HESX1: variants seen among roughly 807,000 people sequenced by gnomAD.
HESX1 encodes HESX homeobox 1.
A neutral mutation model predicts 22.5 loss-of-function variants in HESX1; 11 were observed. The observed-to-expected ratio is 0.49, with a 90% CI of 0.31 to 0.81. HESX1 has a LOEUF of 0.81. Ranked by LOEUF, HESX1 falls within the 30% of genes least tolerant of loss-of-function variation. The probability of loss-of-function intolerance (pLI) is 0.05; values close to 1 mark genes in which losing one functional copy is unlikely to be tolerated. For synonymous variants in HESX1, 74 were observed against 76.5 expected (o/e 0.97, Z 0.17); for missense variants, 201 against 212.6 (o/e 0.95, Z 0.34).
chr3:57,199,373 C>G (rs1162832845), intron 1 of HESX1, among the ~76,000 whole-genome samples: 4 of 152,094 alleles, frequency 2.6e-5, no homozygotes, highest in African/African-American at 7.2e-5. Context: ...AATCCTAACA[C>G]TTTGGGAGGC....
intron 1 of HESX1, among the ~76,000 whole-genome samples, chr3:57,212,227 G>A (rs915581719): frequency 2.0e-5 from 3 of 151,884 alleles, no homozygotes; most frequent in Admixed American, 6.6e-5. Context: ...AATTTGATAT[G>A]AAGTCAACCA....
chr3:57,202,520 G>C (rs1372085742), upstream of HESX1, among the ~76,000 whole-genome samples: 1 of 152,056 alleles, frequency 6.6e-6, no homozygotes, highest in East Asian at 1.9e-4. Flanking sequence ...ATTTTTAGTA[G>C]AGATGGGGGT....
intron 1 of HESX1, among the ~76,000 whole-genome samples, chr3:57,215,639 C>T (rs928638354): frequency 2.6e-5 from 4 of 151,944 alleles, no homozygotes; most frequent in Non-Finnish European, 4.4e-5. Flanking sequence ...TGGTGGCGGG[C>T]GCCTATAATC....
intron 1 of HESX1, among the ~76,000 whole-genome samples, chr3:57,212,204 C>T (rs903817713): frequency 6.6e-6 from 1 of 151,756 alleles, no homozygotes; most frequent in African/African-American, 2.4e-5. Context: ...TATATCAAGC[C>T]CTTGATTTAA....
At chr3:57,224,233 C>G (rs968370005) in intron 1 of HESX1, among the ~76,000 whole-genome samples, 5 of 152,202 alleles carry the variant, frequency 3.3e-5, no homozygotes, top group Non-Finnish European at 1.5e-5. Context: ...ATCCACCCGC[C>G]TCGGCCTCCC....
At chr3:57,215,334 A>T (rs1239291014) in intron 1 of HESX1, among the ~76,000 whole-genome samples, 6 of 152,210 alleles carry the variant, frequency 3.9e-5, no homozygotes, top group Non-Finnish European at 7.3e-5. Flanking sequence ...CTAGGTTCTC[A>T]TAAAAGTAGG....
At chr3:57,200,474 A>C (rs920445789), upstream of HESX1, among the ~76,000 whole-genome samples, 1 of 152,210 alleles carries the variant, frequency 6.6e-6, no homozygotes, top group Non-Finnish European at 1.5e-5. Flanking sequence ...TGTTTTTCAT[A>C]TGCATATGTA....
intron 1 of HESX1, among the ~76,000 whole-genome samples, chr3:57,224,720 T>G (rs964737215): frequency 6.6e-6 from 1 of 152,198 alleles, no homozygotes. Flanking sequence ...CCAGCATCAC[T>G]TGGGTTATTG....
At chr3:57,209,027 A>G (rs1322628679) in intron 1 of HESX1, among the ~76,000 whole-genome samples, 3 of 152,142 alleles carry the variant, frequency 2.0e-5, no homozygotes, top group East Asian at 3.9e-4. Context: ...TGCTTTCATT[A>G]TCACTCTTAT....
At position 57,198,098 on chromosome 3, in the gene HESX1, A is replaced by T; in HGVS notation, c.*99T>A. On this transcript the variant is annotated 3_prime_UTR_variant, in exon 4 of 4. Transcript: ENST00000295934. Reference sequence around the variant, plus strand: ...CAGAAAAAATGACAATATTCAGATTAAATGCAGGAAAGAAAACATCACATT... The same window carrying T: ...CAGAAAAAATGACAATATTCAGATTTAATGCAGGAAAGAAAACATCACATT... The T allele has an allele frequency of 1.2e-6, 1 of 801,100 alleles. No homozygotes were observed. Among genetic ancestry groups the T allele is most frequent in the Non-Finnish European group, 2.1e-6 (1 of 467,676 alleles). 49.6% of individuals were successfully genotyped at this position (801,100 alleles called of 1,614,324 possible). A position where few individuals can be genotyped will look rare whatever the true frequency, so the allele number is the denominator to read the frequency against.
At chr3:57,211,527 C>CAAAAAAAAAAAAAAAA (rs61137408) in intron 1 of HESX1, among the ~76,000 whole-genome samples, 1 of 31,982 alleles carries the variant, frequency 3.1e-5, no homozygotes, top group African/African-American at 1.7e-4. Flanking sequence ...GAGACCTTGT[C>CAAAAAAAAAAAAAAAA]AAAAAAAAAA....
chr3:57,226,676 T>C (rs1024387126), upstream of HESX1, among the ~76,000 whole-genome samples: 4 of 152,368 alleles, frequency 2.6e-5, no homozygotes, highest in South Asian at 2.1e-4. Flanking sequence ...ACTACTATTC[T>C]GGATTTGTTC....
intron 1 of HESX1, among the ~76,000 whole-genome samples, chr3:57,211,110 A>G (rs1579359147): frequency 6.7e-6 from 1 of 150,282 alleles, no homozygotes; most frequent in African/African-American, 2.5e-5. Context: ...CCCAGCTACT[A>G]GGGAGGCTGA....
intron 1 of HESX1, among the ~76,000 whole-genome samples, chr3:57,222,903 A>C (rs1412609335): frequency 1.3e-5 from 2 of 152,196 alleles, no homozygotes; most frequent in Non-Finnish European, 2.9e-5. Context: ...TCTCTAAGGT[A>C]ATGAGCCCAA....
rs2060475214 is a variant in HESX1 at position 57,199,942 on chromosome 3, A to AG, written c.-25_-24insC. 6.2e-7 allele frequency: 1 copy of AG among 1,610,772 alleles called. No homozygotes were observed. Among genetic ancestry groups the AG allele is most frequent in the Middle Eastern group, 1.8e-4 (1 of 5,662 alleles). Reference sequence around the variant, plus strand: ...ATCCTCTCGTGGTCTGCACAGAGCAACAGCTCTGGCCTCTGCTGGCTCTGC... The same window carrying AG: ...ATCCTCTCGTGGTCTGCACAGAGCAAGCAGCTCTGGCCTCTGCTGGCTCTGC... On this transcript the variant is annotated 5_prime_UTR_variant, in exon 1 of 4. Transcript: ENST00000295934.
At chr3:57,209,051 G>C (rs991907864) in intron 1 of HESX1, among the ~76,000 whole-genome samples, 1 of 152,140 alleles carries the variant, frequency 6.6e-6, no homozygotes, top group Non-Finnish European at 1.5e-5. Flanking sequence ...ACATTATTGT[G>C]TAATTCTGGA....
intron 1 of HESX1, among the ~76,000 whole-genome samples, chr3:57,217,716 T>C (rs762159963): frequency 1.3e-5 from 2 of 152,120 alleles, no homozygotes; most frequent in African/African-American, 4.8e-5. Flanking sequence ...CCCCTTGGGT[T>C]CTGAAATCCT....
chr3:57,210,639 A>G (rs1195870602), intron 1 of HESX1, among the ~76,000 whole-genome samples: 2 of 152,244 alleles, frequency 1.3e-5, no homozygotes, highest in East Asian at 3.8e-4. Flanking sequence ...CCAAGTAGAC[A>G]TTCAATAAAA....
At chr3:57,205,178 G>T (rs567678575) in intron 1 of HESX1, among the ~76,000 whole-genome samples, 3 of 152,244 alleles carry the variant, frequency 2.0e-5, no homozygotes, top group African/African-American at 7.2e-5. Flanking sequence ...GGAGGCTGAG[G>T]GCAGAGGATC....
Sources: gnomAD v4.1 joint callset for allele counts (sites outside exome capture counted in the v4.1 genomes callset) on GRCh38, gnomAD v4.1.1 for gene constraint, MANE v1.5 for transcripts, NCBI Gene and HGNC (gene_info 2026-07-23, HGNC 2026-07-21) for gene names.